Variants in LRRIQ1 observed in about 807,000 individuals in gnomAD.
LRRIQ1 encodes leucine rich repeats and IQ motif containing 1, also known as leucine-rich repeat- and IQ domain-containing protein 1.
In LRRIQ1, 210 loss-of-function variants were observed where a neutral mutation model predicts 211.9. The observed-to-expected ratio is 0.99, with a 90% confidence interval of 0.89 to 1.11. The LOEUF (loss-of-function observed/expected upper bound fraction) is 1.11, where lower values mean the gene tolerates loss of function less well. Ranked by LOEUF, LRRIQ1 falls within the 50% of genes most tolerant of loss-of-function variation. The pLI, the probability that LRRIQ1 is intolerant of heterozygous loss-of-function variation, is 0.00. For synonymous variants in LRRIQ1, 699 were observed against 650.1 expected (o/e 1.08, Z -1.14); for missense variants, 2,136 against 1,939.5 (o/e 1.10, Z -1.90).
At chr12:85,067,270 A>G (rs1014365263) in intron 10 of LRRIQ1, among the ~76,000 whole-genome samples, 1 of 151,812 alleles carries the variant, frequency 6.6e-6, no homozygotes, top group Admixed American at 6.6e-5. Flanking sequence ...AACCTTTTTC[A>G]TCACCACTCT....
intron 24 of LRRIQ1, among the ~76,000 whole-genome samples, chr12:85,205,820 T>C (rs1227474427): frequency 2.6e-5 from 4 of 152,232 alleles, no homozygotes; most frequent in Non-Finnish European, 4.4e-5. Context: ...CTCTTTATTT[T>C]TGCCTGATTG....
In LRRIQ1 at chr12:85,163,818, G is replaced by A. The variant is rs145041391; in HGVS notation, c.4822+3104G>A. Among the ~76,000 whole-genome samples, 70 of 152,068 alleles carry A rather than the reference G, an allele frequency of 4.6e-4. 2 individuals are homozygous for A. The East Asian group carries it at 7.9e-3, about 17-fold the overall frequency. On this transcript the variant is annotated intron_variant, in intron 24 of 26. Coordinates refer to ENST00000393217, the MANE Select transcript of LRRIQ1 (RefSeq NM_001079910.2). The stretch of plus-strand genomic sequence containing the variant: ...CCATTTTTACAGTCTATGTTTTACA[G>A]GATGTTCTTCTATTTTTTCTATATT...
chr12:85,061,868 T>A (rs1007056628), intron 8 of LRRIQ1, among the ~76,000 whole-genome samples: 9 of 151,778 alleles, frequency 5.9e-5, no homozygotes, highest in African/African-American at 2.2e-4. Context: ...TTATGAATAG[T>A]TGAGACATTC....
the LRRIQ1 span, among the ~76,000 whole-genome samples, chr12:85,270,588 T>G: frequency 3.9e-5 from 6 of 152,148 alleles, no homozygotes; most frequent in African/African-American, 1.4e-4. Context: ...GCTTTTTAAG[T>G]CACTTTTCAT....
At chr12:85,250,205 A>G (rs1051835774) in intron 1 of LRRIQ1, among the ~76,000 whole-genome samples, 5 of 151,838 alleles carry the variant, frequency 3.3e-5, no homozygotes, top group African/African-American at 9.7e-5. Context: ...GCTCCGTAGT[A>G]AGAGGAAGGC....
At chr12:85,243,173 C>G (rs1447606725) in intron 26 of LRRIQ1, among the ~76,000 whole-genome samples, 1 of 147,250 alleles carries the variant, frequency 6.8e-6, no homozygotes, top group South Asian at 2.1e-4. Flanking sequence ...TGTGGTATTG[C>G]TTTGATATTT....
intron 24 of LRRIQ1, among the ~76,000 whole-genome samples, chr12:85,217,508 A>ATATATATATGTATATATATATATATATG (rs1216212048): frequency 1.6e-5 from 1 of 64,272 alleles, no homozygotes; most frequent in Non-Finnish European, 2.5e-5. Context: ...ATATATATAT[A>ATATATATATGTATATATATATATATATG]TGTGTGTGTG....
Position 85,098,899 on chromosome 12 carries a change from A to C in LRRIQ1, c.3114A>C (p.Arg1038Ser), listed in dbSNP as rs761163509. Residue 1038 changes from arginine to serine, a missense_variant, in exon 13 of 27, where the codon AGA (arginine) becomes AGC (serine). Coordinates refer to ENST00000393217, the MANE Select transcript of LRRIQ1 (RefSeq NM_001079910.2). ...LPSLENLVLL[R>S]ELHLDDNSIS... ...CCTTGGAGAATCTTGTTTTACTAAG[A>C]GAATTGCACTTGGATGATAACAGCA... 2 of 1,561,874 alleles carry C rather than the reference A, an allele frequency of 1.3e-6. No homozygotes were observed. The highest frequency in any genetic ancestry group is 8.7e-7 in the Non-Finnish European group (1 of 1,153,256).
Position 85,152,321 on chromosome 12 carries a change from C to A in LRRIQ1, c.4371C>A (p.Arg1457=), listed in dbSNP as rs377255558. The A allele has an allele frequency of 6.2e-7, 1 of 1,611,382 alleles. No homozygotes were observed. Among genetic ancestry groups the A allele is most frequent in the East Asian group, 2.2e-5 (1 of 44,798 alleles). ...AATGGCTAGCATTAGATTCCACCCG[C>A]TTCCCTTCACAAACACTGCTTCTTT... The part of the protein sequence containing the change: ...EEEWLALDST[R]FPSQTLLLSN... The change falls in exon 20 of 27, where the codon CGC becomes CGA. Residue 1457 remains arginine, a synonymous_variant. Coordinates refer to ENST00000393217, the MANE Select transcript of LRRIQ1 (RefSeq NM_001079910.2).
chr12:85,172,406 A>G (rs1394823634), intron 24 of LRRIQ1, among the ~76,000 whole-genome samples: 1 of 152,232 alleles, frequency 6.6e-6, no homozygotes, highest in Non-Finnish European at 1.5e-5. Context: ...TGAAGTGACA[A>G]TGGATTTAGA....
intron 3 of LRRIQ1, among the ~76,000 whole-genome samples, chr12:85,043,331 TA>T (rs927420193): frequency 6.6e-5 from 10 of 152,150 alleles, no homozygotes; most frequent in African/African-American, 2.2e-4. Context: ...AATAGCTCAT[TA>T]AAATGTCTGG....
intron 24 of LRRIQ1, among the ~76,000 whole-genome samples, chr12:85,178,796 C>T (rs1891840873): frequency 6.6e-6 from 1 of 151,540 alleles, no homozygotes; most frequent in Non-Finnish European, 1.5e-5. Context: ...CTACTCAAAA[C>T]ACATATTTAC....
chr12:85,234,265 T>G (rs938102571), intron 26 of LRRIQ1, among the ~76,000 whole-genome samples: 2 of 152,118 alleles, frequency 1.3e-5, no homozygotes, highest in Non-Finnish European at 2.9e-5. Context: ...AATATTTAAT[T>G]TTTCCATGTT....
chr12:85,122,219 C>G (rs1425485301), intron 16 of LRRIQ1, among the ~76,000 whole-genome samples: 2 of 151,996 alleles, frequency 1.3e-5, no homozygotes, highest in African/African-American at 4.8e-5. Flanking sequence ...AAATAATTCA[C>G]AAATTAACAT....
At chr12:85,201,742 G>A (rs1893310721) in intron 24 of LRRIQ1, among the ~76,000 whole-genome samples, 1 of 151,842 alleles carries the variant, frequency 6.6e-6, no homozygotes, top group Non-Finnish European at 1.5e-5. Flanking sequence ...ATGACTTTTG[G>A]ATTTATCAAT....
Position 85,152,268 on chromosome 12 carries a change from T to C in LRRIQ1, c.4330-12T>C, listed in dbSNP as rs1470130322. On this transcript the variant is annotated splice_polypyrimidine_tract_variant and intron_variant, in intron 19 of 26. Transcript: ENST00000393217. Reference sequence around the variant, plus strand: ...AAGCTAAATTACATACATTTTAATATTATTTGTGCAGGCTGCCTTAGAAGA... The same window carrying C: ...AAGCTAAATTACATACATTTTAATACTATTTGTGCAGGCTGCCTTAGAAGA... The C allele has an allele frequency of 1.9e-6, 3 of 1,598,606 alleles. No homozygotes were observed.
At chr12:85,146,769 A>G (rs1889919044) in intron 19 of LRRIQ1, among the ~76,000 whole-genome samples, 1 of 151,744 alleles carries the variant, frequency 6.6e-6, no homozygotes, top group Non-Finnish European at 1.5e-5. Flanking sequence ...GCACTTTTAT[A>G]AACCATAACT....
intron 26 of LRRIQ1, 38 bp from the exon 27 acceptor site, chr12:85,244,751 G>A (rs1385499066): frequency 6.4e-7 from 1 of 1,573,882 alleles, no homozygotes; most frequent in Non-Finnish European, 8.7e-7. Context: ...GCCATATTTT[G>A]TTTCATGATT....
chr12:85,144,976 A>C (rs1486579501), intron 19 of LRRIQ1, among the ~76,000 whole-genome samples: 1 of 150,882 alleles, frequency 6.6e-6, no homozygotes, highest in Non-Finnish European at 1.5e-5. Flanking sequence ...TTCTTGCTTA[A>C]ATTTTTCTGT....
Sources: gnomAD v4.1 joint callset for allele counts (sites outside exome capture counted in the v4.1 genomes callset) on GRCh38, gnomAD v4.1.1 for gene constraint, MANE v1.5 for transcripts, NCBI Gene and HGNC (gene_info 2026-07-23, HGNC 2026-07-21) for gene names.